Variants in NBAS observed in about 807,000 individuals in gnomAD.
NBAS encodes the protein NAG/BC035112 fusion.
Under a neutral mutation model 302.5 loss-of-function variants are expected in NBAS, and 219 were observed. That is an observed-to-expected ratio of 0.72 (90% CI 0.65 to 0.81). The LOEUF is 0.81. Among genes scored for constraint, NBAS ranks in the 30% least tolerant of loss-of-function variants. NBAS has a pLI of 0.00. For missense variants in NBAS, 2,932 were observed against 2,841.6 expected (o/e 1.03, Z -0.72); for synonymous variants, 1,118 against 1,021.6 (o/e 1.09, Z -1.80).
the NBAS span, among the ~76,000 whole-genome samples, chr2:15,009,000 AC>A: frequency 6.6e-6 from 1 of 152,142 alleles, no homozygotes; most frequent in Non-Finnish European, 1.5e-5. Flanking sequence ...AGGCCATCTA[AC>A]CAGTGACAAT....
At chr2:15,010,982 A>G in the NBAS span, among the ~76,000 whole-genome samples, 2 of 152,216 alleles carry the variant, frequency 1.3e-5, no homozygotes, top group Non-Finnish European at 2.9e-5. Flanking sequence ...AAATCATTCA[A>G]ATAACAAGTA....
At chr2:15,445,775 A>ATT in intron 21 of NBAS, among the ~76,000 whole-genome samples, 1 of 152,198 alleles carries the variant, frequency 6.6e-6, no homozygotes, top group Non-Finnish European at 1.5e-5. Context: ...GAAGAAGGAA[A>ATT]TTATGGCTTA....
chr2:15,106,625 T>C, the NBAS span, among the ~76,000 whole-genome samples: 2 of 152,116 alleles, frequency 1.3e-5, no homozygotes, highest in Middle Eastern at 3.2e-3. Flanking sequence ...TCACAATTAA[T>C]CTCTTCTCCC....
At chr2:14,917,869 A>C in the NBAS span, among the ~76,000 whole-genome samples, 1 of 152,302 alleles carries the variant, frequency 6.6e-6, no homozygotes, top group South Asian at 2.1e-4. Flanking sequence ...TGGAAAGTTC[A>C]CATTCCAGGT....
chr2:15,511,109 A>T, intron 10 of NBAS, 103 bp downstream of exon 10: 1 of 1,402,332 alleles, frequency 7.1e-7, no homozygotes, highest in Non-Finnish European at 1.0e-6. Flanking sequence ...ATTCAAGATG[A>T]AATTATTTCT....
intron 48 of NBAS, among the ~76,000 whole-genome samples, chr2:15,211,724 T>A (rs1666419893): frequency 6.6e-6 from 1 of 152,216 alleles, no homozygotes; most frequent in African/African-American, 2.4e-5. Flanking sequence ...TTAGCCCAAC[T>A]GAGACTTGAC....
chr2:15,110,333 T>C, the NBAS span, among the ~76,000 whole-genome samples: 2 of 152,154 alleles, frequency 1.3e-5, no homozygotes, highest in Non-Finnish European at 2.9e-5. Context: ...ACATATATTC[T>C]GTGGACCAGA....
intron 35 of NBAS, among the ~76,000 whole-genome samples, chr2:15,338,113 G>T (rs1672674612): frequency 6.6e-6 from 1 of 152,166 alleles, no homozygotes; most frequent in Admixed American, 6.5e-5. Context: ...CAAGAACATG[G>T]ATAGTGCCAT....
the NBAS span, among the ~76,000 whole-genome samples, chr2:14,846,815 T>C: frequency 6.6e-6 from 1 of 150,634 alleles, no homozygotes; most frequent in Non-Finnish European, 1.5e-5. Context: ...AAACATAAAA[T>C]GGACACACAA....
At chr2:15,484,362 T>A (rs1005893111) in intron 12 of NBAS, among the ~76,000 whole-genome samples, 21 of 152,152 alleles carry the variant, frequency 1.4e-4, no homozygotes, top group Non-Finnish European at 2.5e-4. Flanking sequence ...TCAGGAGACT[T>A]CAATCAAAAT....
the NBAS span, among the ~76,000 whole-genome samples, chr2:14,904,610 T>TA: frequency 1.1e-5 from 1 of 94,864 alleles, no homozygotes; most frequent in African/African-American, 3.6e-5. Flanking sequence ...CAGTCAGCTG[T>TA]GACTCAGTAT....
chr2:15,250,234 T>C (rs1327042840), intron 44 of NBAS, among the ~76,000 whole-genome samples: 4 of 152,136 alleles, frequency 2.6e-5, no homozygotes, highest in Admixed American at 1.3e-4. Context: ...ATTTAATAAA[T>C]GATGTTGGGA....
the NBAS span, among the ~76,000 whole-genome samples, chr2:15,082,774 C>A: frequency 2.6e-5 from 4 of 152,308 alleles, no homozygotes; most frequent in African/African-American, 9.6e-5. Flanking sequence ...AAGCACATGG[C>A]ATGCATTCTC....
chr2:14,914,127 A>T, the NBAS span, among the ~76,000 whole-genome samples: 1 of 152,184 alleles, frequency 6.6e-6, no homozygotes, highest in Admixed American at 6.5e-5. Flanking sequence ...CTTATTCACT[A>T]CCACGAGAAC....
intron 19 of NBAS, among the ~76,000 whole-genome samples, chr2:15,463,391 T>C (rs939736777): frequency 2.6e-5 from 4 of 152,198 alleles, no homozygotes; most frequent in Non-Finnish European, 5.9e-5. Context: ...AAAGACACTG[T>C]ATGAAACACT....
chr2:15,185,817 A>G (rs1665047395), intron 50 of NBAS, among the ~76,000 whole-genome samples: 1 of 152,210 alleles, frequency 6.6e-6, no homozygotes, highest in Non-Finnish European at 1.5e-5. Flanking sequence ...AAAACAATTC[A>G]TTAAATGTGC....
intron 22 of NBAS, among the ~76,000 whole-genome samples, chr2:15,427,408 C>T (rs1281783011): frequency 1.3e-5 from 2 of 151,978 alleles, no homozygotes; most frequent in Admixed American, 1.3e-4. Context: ...GCATACATAC[C>T]ATAATTACAA....
chr2:15,227,631 AAC>A (rs1314272533), intron 47 of NBAS, among the ~76,000 whole-genome samples: 4 of 152,242 alleles, frequency 2.6e-5, no homozygotes, highest in East Asian at 3.8e-4. Flanking sequence ...GTGGCATAAA[AAC>A]AGATACATAT....
chr2:15,061,451 G>A, the NBAS span, among the ~76,000 whole-genome samples: 3 of 152,344 alleles, frequency 2.0e-5, no homozygotes, highest in African/African-American at 7.2e-5. Flanking sequence ...TATCTGATAA[G>A]TGGTAGTTTT....
Sources: allele counts gnomAD v4.1 joint callset (sites outside exome capture counted in the v4.1 genomes callset), GRCh38; gene constraint gnomAD v4.1.1; transcripts MANE v1.5; gene names NCBI Gene and HGNC (gene_info 2026-07-23, HGNC 2026-07-21).